RREB1: variants seen among roughly 807,000 people sequenced by gnomAD.
RREB1 encodes ras-responsive element-binding protein 1.
Under a neutral mutation model 117.8 loss-of-function variants are expected in RREB1, and 27 were observed. The ratio of observed to expected loss-of-function variants is 0.23; its 90% CI spans 0.17 to 0.32. RREB1 has a LOEUF of 0.32. Among genes scored for constraint, RREB1 ranks in the 10% least tolerant of loss-of-function variants. The pLI is 1.00. For synonymous variants in RREB1, 1,298 were observed against 1,026.7 expected (o/e 1.26, Z -5.05); for missense variants, 2,577 against 2,378.2 (o/e 1.08, Z -1.74).
chr6:7,240,829 C>T (rs896644797), intron 11 of RREB1, among the ~76,000 whole-genome samples: 1 of 152,146 alleles, frequency 6.6e-6, no homozygotes, highest in African/African-American at 2.4e-5. Context: ...AGTGACAGTG[C>T]CCCTCGGTGA....
At chr6:7,197,864 T>C (rs1765748117) in intron 6 of RREB1, among the ~76,000 whole-genome samples, 1 of 152,176 alleles carries the variant, frequency 6.6e-6, no homozygotes, top group Non-Finnish European at 1.5e-5. Context: ...GAAGAAAATA[T>C]TAGCTGCGCA....
chr6:7,162,219 A>G (rs1021586668), intron 1 of RREB1, among the ~76,000 whole-genome samples: 4 of 152,196 alleles, frequency 2.6e-5, no homozygotes, highest in African/African-American at 9.7e-5. Context: ...GCATTAAAAA[A>G]TGATCTCTAC....
chr6:7,232,821 G>T (rs916317837), intron 10 of RREB1, among the ~76,000 whole-genome samples: 4 of 148,882 alleles, frequency 2.7e-5, no homozygotes, highest in Non-Finnish European at 5.9e-5. Flanking sequence ...AAACTTCTGG[G>T]CTCAAGCAGT....
Position 7,231,196 on chromosome 6 carries a change from T to C in RREB1, c.3097T>C (p.Ser1033Pro), listed in dbSNP as rs754432780. The change falls in exon 10 of 13, where the codon TCA (serine) becomes CCA (proline). Residue 1033 changes from serine to proline, a missense_variant. Physicochemically the swap from Ser to Pro is moderately conservative, Grantham distance 74 (BLOSUM62 -1). Transcript: ENST00000379938. Reference protein sequence around the residue: ...LVSSPPLVGSSALLSGTALLR... With the variant: ...LVSSPPLVGSPALLSGTALLR... ...CAGCAGCCCTCCACTCGTGGGCAGC[T>C]CAGCCCTCCTGAGTGGCACAGCCTT... 104 of 1,611,542 alleles carry C rather than the reference T, an allele frequency of 6.5e-5. No individual in the cohort carries two copies. The highest frequency in any genetic ancestry group is 6.8e-5 in the Non-Finnish European group (80 of 1,179,302).
chr6:7,223,284 G>A (rs1166894347), intron 8 of RREB1, among the ~76,000 whole-genome samples: 3 of 140,414 alleles, frequency 2.1e-5, no homozygotes, highest in Admixed American at 7.0e-5. Context: ...AAAAAAGGCC[G>A]GGCACGATGG....
chr6:7,222,010 A>G (rs888374947), intron 8 of RREB1, among the ~76,000 whole-genome samples: 1 of 152,182 alleles, frequency 6.6e-6, no homozygotes, highest in Admixed American at 6.5e-5. Flanking sequence ...AACTGCAGAG[A>G]TCCCCCCGTT....
In RREB1 at chr6:7,224,588, C is replaced by T. The variant is rs1767470880; in HGVS notation, c.708-1879C>T. ...AGGCTGTTGTTGCCTCCAAGGGTCA[C>T]TGTCCTCTCTGTGTGCACAGCTCAG... On this transcript the variant is annotated intron_variant, in intron 8 of 12. Transcript: ENST00000379938. 2.0e-5 allele frequency among the ~76,000 whole-genome samples: 3 copies of T among 152,158 alleles called. No homozygotes were observed. In the South Asian group the frequency reaches 6.2e-4, roughly 32 times the overall value.
At chr6:7,177,351 ATCTC>A (rs1400143972) in intron 2 of RREB1, among the ~76,000 whole-genome samples, 2 of 150,214 alleles carry the variant, frequency 1.3e-5, no homozygotes, top group South Asian at 2.1e-4. Context: ...CACTTTGGAC[ATCTC>A]TCTCTTTTTT....
chr6:7,197,385 G>A (rs572281501), intron 6 of RREB1, among the ~76,000 whole-genome samples: 1 of 152,360 alleles, frequency 6.6e-6, no homozygotes, highest in East Asian at 1.9e-4. Flanking sequence ...TCTTTGAAGA[G>A]TAGGGATGTG....
intron 1 of RREB1, among the ~76,000 whole-genome samples, chr6:7,165,176 TC>T (rs1229248012): frequency 6.6e-6 from 1 of 152,176 alleles, no homozygotes; most frequent in Non-Finnish European, 1.5e-5. Context: ...TGGGCATTGT[TC>T]CAAGAGGCTC....
chr6:7,190,283 T>A (rs1765334412), intron 6 of RREB1, among the ~76,000 whole-genome samples: 2 of 152,134 alleles, frequency 1.3e-5, no homozygotes, highest in South Asian at 4.1e-4. Context: ...AAAATGAGAT[T>A]TTTTTTGTTT....
chr6:7,231,067 G>C lies in RREB1; in HGVS notation c.2968G>C (p.Glu990Gln), dbSNP rs760493869. ...AACTTTGGGGCCCAGCGGAATCCTG[G>C]AAAGCCCCATGGCCCCTGCTCCGGC... is the stretch of plus-strand genomic sequence containing the variant. Reference protein sequence around the residue: ...PVTLGPSGILESPMAPAPAAT... With the variant: ...PVTLGPSGILQSPMAPAPAAT... Residue 990 changes from glutamate to glutamine, a missense_variant, in exon 10 of 13, where the codon GAA (glutamate) becomes CAA (glutamine). Transcript: ENST00000379938. The C allele has an allele frequency of 6.2e-6, 10 of 1,613,612 alleles. No individual in the cohort carries two copies. The African/African-American group carries it at 1.3e-4, about 22-fold the overall frequency.
intron 6 of RREB1, among the ~76,000 whole-genome samples, chr6:7,199,944 A>G (rs2113586147): frequency 6.6e-6 from 1 of 152,304 alleles, no homozygotes; most frequent in South Asian, 2.1e-4. Flanking sequence ...GAAAGCTGCC[A>G]CTATCCTCTG....
chr6:7,138,140 A>G (rs180689319), intron 1 of RREB1, among the ~76,000 whole-genome samples: 1 of 152,206 alleles, frequency 6.6e-6, no homozygotes, highest in Non-Finnish European at 1.5e-5. Context: ...AGAAAAAAAG[A>G]AAAGAAAGAA....
intron 2 of RREB1, among the ~76,000 whole-genome samples, chr6:7,177,433 G>C (rs562381349): frequency 4.4e-4 from 67 of 151,698 alleles, no homozygotes; most frequent in Non-Finnish European, 2.9e-4. Flanking sequence ...TGGAACACCA[G>C]GTTCATCTGC....
rs558775943 is a variant in RREB1, at chr6:7,126,878, G to A, written c.-285+18818G>A. ...AAACATGGTCCCTGCCCTAAAACTC[G>A]TCAGTGCCTCATAACCAGCAAGGAC... On this transcript the variant is annotated intron_variant, in intron 1 of 12. Coordinates refer to ENST00000379938, the MANE Select transcript of RREB1 (RefSeq NM_001003699.4). Among the ~76,000 whole-genome samples the A allele has an allele frequency of 3.9e-5, 6 of 152,232 alleles. No individual in the cohort carries two copies. The South Asian group carries it at 6.2e-4, about 16-fold the overall frequency.
chr6:7,248,433 A>G, intron 12 of RREB1, 78 bp from the exon 13 acceptor site: 1 of 1,299,124 alleles, frequency 7.7e-7, no homozygotes, highest in South Asian at 1.3e-5. Flanking sequence ...TGGGAGCCTC[A>G]TTCTTCCTGT....
At chr6:7,208,608 C>T (rs1224946320) in intron 6 of RREB1, among the ~76,000 whole-genome samples, 2 of 152,252 alleles carry the variant, frequency 1.3e-5, no homozygotes, top group Non-Finnish European at 2.9e-5. Context: ...GTCTGTCAGA[C>T]TGCCTTGGCC....
intron 3 of RREB1, chr6:7,181,631 G>T: frequency 1.7e-6 from 1 of 587,004 alleles, no homozygotes; most frequent in Non-Finnish European, 3.0e-6. Flanking sequence ...ATGAGTTTGA[G>T]TCCTGTTGGT....
Sources: allele counts gnomAD v4.1 joint callset (sites outside exome capture counted in the v4.1 genomes callset), GRCh38; gene constraint gnomAD v4.1.1; transcripts MANE v1.5; gene names NCBI Gene and HGNC (gene_info 2026-07-23, HGNC 2026-07-21).